The following ARHGAP24 variants were observed in gnomAD, a reference collection of about 807,000 sequenced individuals.
ARHGAP24 encodes the protein rho GTPase-activating protein 24.
ARHGAP24 carries 50 observed loss-of-function variants against 76.4 expected under a neutral mutation model. That is an observed-to-expected ratio of 0.65 (90% confidence interval 0.52 to 0.83). The LOEUF (loss-of-function observed/expected upper bound fraction) is 0.83. Among genes scored for constraint, ARHGAP24 ranks in the 40% least tolerant of loss-of-function variants. The pLI is 0.00. For synonymous variants in ARHGAP24, 345 were observed against 323.3 expected (o/e 1.07, Z -0.72); for missense variants, 930 against 914.2 (o/e 1.02, Z -0.22).
intron 2 of ARHGAP24, among the ~76,000 whole-genome samples, chr4:85,675,899 A>G (rs1722964586): frequency 6.6e-6 from 1 of 152,196 alleles, no homozygotes; most frequent in African/African-American, 2.4e-5. Context: ...TTTGAAATGC[A>G]TATCTGACTC....
intron 1 of ARHGAP24, among the ~76,000 whole-genome samples, chr4:85,507,646 A>G (rs550649844): frequency 1.3e-5 from 2 of 152,180 alleles, no homozygotes; most frequent in African/African-American, 4.8e-5. Flanking sequence ...TTTCTGACCT[A>G]AAAATAGTGA....
At chr4:85,868,940 A>G (rs1046583321) in intron 3 of ARHGAP24, among the ~76,000 whole-genome samples, 2 of 151,930 alleles carry the variant, frequency 1.3e-5, no homozygotes, top group African/African-American at 4.8e-5. Flanking sequence ...TGTATTTTTC[A>G]TTGATCTATC....
intron 2 of ARHGAP24, among the ~76,000 whole-genome samples, chr4:85,606,386 GC>G (rs1720194805): frequency 1.3e-5 from 2 of 152,032 alleles, no homozygotes; most frequent in South Asian, 4.2e-4. Context: ...GGTTGCGGGT[GC>G]CTGTAGTCCC....
At chr4:85,787,341 A>C (rs1390319045) in intron 3 of ARHGAP24, among the ~76,000 whole-genome samples, 1 of 152,140 alleles carries the variant, frequency 6.6e-6, no homozygotes, top group Non-Finnish European at 1.5e-5. Context: ...TGTTTATCTT[A>C]GATTCTTCAC....
chr4:85,734,486 G>A (rs1725530062), intron 3 of ARHGAP24, among the ~76,000 whole-genome samples: 1 of 152,026 alleles, frequency 6.6e-6, no homozygotes, highest in South Asian at 2.1e-4. Context: ...AAGCCAAAGG[G>A]AGCACTTGAT....
chr4:85,615,814 A>G (rs1578079753), intron 2 of ARHGAP24, among the ~76,000 whole-genome samples: 1 of 152,212 alleles, frequency 6.6e-6, no homozygotes, highest in Non-Finnish European at 1.5e-5. Flanking sequence ...TCAATCAATA[A>G]GTTTTCAATC....
chr4:85,987,823 C>G (rs1206852942), intron 8 of ARHGAP24, among the ~76,000 whole-genome samples: 1 of 151,682 alleles, frequency 6.6e-6, no homozygotes, highest in Non-Finnish European at 1.5e-5. Context: ...ATTACAAACA[C>G]AAAGATCTCA....
intron 3 of ARHGAP24, among the ~76,000 whole-genome samples, chr4:85,785,422 G>C (rs1270231983): frequency 6.6e-6 from 1 of 152,122 alleles, no homozygotes; most frequent in Non-Finnish European, 1.5e-5. Context: ...ACAAAGGCAA[G>C]TGAGTATTAT....
chr4:85,875,079 TATATA>T (rs1455034041), intron 3 of ARHGAP24, among the ~76,000 whole-genome samples: 1 of 84,518 alleles, frequency 1.2e-5, no homozygotes, highest in African/African-American at 4.8e-5. Context: ...TATTATATTA[TATATA>T]ATATATTTAT....
chr4:85,486,920 C>G (rs761077174), intron 1 of ARHGAP24, among the ~76,000 whole-genome samples: 2 of 151,762 alleles, frequency 1.3e-5, no homozygotes, highest in Non-Finnish European at 2.9e-5. Flanking sequence ...TGCTGGCCTC[C>G]TCCTGCATCT....
intron 3 of ARHGAP24, among the ~76,000 whole-genome samples, chr4:85,875,655 T>C (rs1451885662): frequency 4.7e-5 from 6 of 127,784 alleles, no homozygotes; most frequent in Non-Finnish European, 9.5e-5. Flanking sequence ...TTATATTATA[T>C]ATAATATAAC....
At chr4:85,696,739 A>G (rs1723880178) in intron 2 of ARHGAP24, among the ~76,000 whole-genome samples, 1 of 152,212 alleles carries the variant, frequency 6.6e-6, no homozygotes, top group Non-Finnish European at 1.5e-5. Context: ...GAATAAAAGT[A>G]CCCAACAAAT....
intron 2 of ARHGAP24, among the ~76,000 whole-genome samples, chr4:85,638,929 G>T (rs925711883): frequency 5.1e-4 from 78 of 152,218 alleles, no homozygotes; most frequent in African/African-American, 1.6e-3. Context: ...ATAATCTCAT[G>T]GTGCTAACTT....
At chr4:85,601,017 C>T (rs1262578231) in intron 2 of ARHGAP24, among the ~76,000 whole-genome samples, 2 of 152,172 alleles carry the variant, frequency 1.3e-5, no homozygotes, top group Non-Finnish European at 2.9e-5. Flanking sequence ...AGAATATACT[C>T]AGTTTTGTCA....
intron 3 of ARHGAP24, among the ~76,000 whole-genome samples, chr4:85,808,796 A>T (rs997587324): frequency 2.0e-5 from 3 of 152,082 alleles, no homozygotes; most frequent in Admixed American, 2.0e-4. Flanking sequence ...GTTTGCTTTA[A>T]TTATAAAAGA....
chr4:85,838,052 G>A (rs1730384855), intron 3 of ARHGAP24, among the ~76,000 whole-genome samples: 1 of 152,084 alleles, frequency 6.6e-6, no homozygotes, highest in African/African-American at 2.4e-5. Context: ...AAAAAATAGC[G>A]AACGTGTGTT....
chr4:85,967,189 C>A (rs2148847252), intron 5 of ARHGAP24, among the ~76,000 whole-genome samples: 1 of 152,164 alleles, frequency 6.6e-6, no homozygotes, highest in East Asian at 1.9e-4. Flanking sequence ...AAAGAACATT[C>A]TTCAGTTCAC....
intron 3 of ARHGAP24, among the ~76,000 whole-genome samples, chr4:85,819,404 T>G (rs1729375646): frequency 1.3e-5 from 2 of 152,142 alleles, no homozygotes; most frequent in African/African-American, 4.8e-5. Flanking sequence ...CCAAGGTTGC[T>G]CAGTTGGGGA....
At chr4:85,502,446 G>T (rs1293725277) in intron 1 of ARHGAP24, among the ~76,000 whole-genome samples, 1 of 152,106 alleles carries the variant, frequency 6.6e-6, no homozygotes, top group Non-Finnish European at 1.5e-5. Flanking sequence ...CACATCCCTT[G>T]TAAGTTGGAT....
Sources: allele counts gnomAD v4.1 joint callset (sites outside exome capture counted in the v4.1 genomes callset), GRCh38; gene constraint gnomAD v4.1.1; transcripts MANE v1.5; gene names NCBI Gene and HGNC (gene_info 2026-07-23, HGNC 2026-07-21).